Variants in STAM2 observed in about 807,000 individuals in gnomAD.
STAM2 encodes signal transducing adaptor molecule 2.
A neutral mutation model predicts 65.6 loss-of-function variants in STAM2; 51 were observed. The observed-to-expected ratio is 0.78, with a 90% CI of 0.62 to 0.98. STAM2 has a LOEUF of 0.98. STAM2 is among the 50% of genes least tolerant of loss of function. The pLI is 0.00. For missense variants in STAM2, 584 were observed against 617.8 expected (o/e 0.95, Z 0.58); for synonymous variants, 198 against 208.4 (o/e 0.95, Z 0.43).
rs371472515 is a variant in STAM2 at position 152,165,924 on chromosome 2, C to T, written c.40+9679G>A. ...TGCACATTAAAACTACAATGAAGGC[C>T]GGGCACAGTGGCTTATGCCTGTAAC... is the stretch of plus-strand genomic sequence containing the variant. On this transcript the variant is annotated intron_variant, in intron 1 of 13. Coordinates refer to ENST00000263904, the MANE Select transcript of STAM2 (RefSeq NM_005843.6). Among the ~76,000 whole-genome samples, 174 of 152,274 alleles carry T rather than the reference C, an allele frequency of 1.1e-3. 1 individual carries two copies. In the South Asian group the frequency reaches 0.015, roughly 13 times the overall value.
intron 6 of STAM2, 79 bp from the exon 7 acceptor site, chr2:152,144,092 A>G (rs1183413434): frequency 6.8e-6 from 9 of 1,322,166 alleles, no homozygotes; most frequent in South Asian, 1.4e-5. Flanking sequence ...GTAAAATTTA[A>G]TAAGAATAAA....
chr2:152,154,590 C>A (rs1226692073), intron 1 of STAM2, among the ~76,000 whole-genome samples: 1 of 151,974 alleles, frequency 6.6e-6, no homozygotes, highest in African/African-American at 2.4e-5. Flanking sequence ...TGCACTCCAA[C>A]GTGGACAACA....
intron 1 of STAM2, among the ~76,000 whole-genome samples, chr2:152,157,200 C>A (rs1467533333): frequency 2.6e-5 from 4 of 152,098 alleles, no homozygotes; most frequent in Admixed American, 2.6e-4. Flanking sequence ...AGGCCCTTGG[C>A]CAAAGGCTGG....
At chr2:152,140,495 T>C (rs1310339431) in intron 7 of STAM2, among the ~76,000 whole-genome samples, 5 of 152,240 alleles carry the variant, frequency 3.3e-5, no homozygotes, top group African/African-American at 9.6e-5. Context: ...CTGAAGGTAG[T>C]GATGTCCTTT....
At position 152,117,246 on chromosome 2, in the gene STAM2, C is replaced by T. The variant is rs1417577186; in HGVS notation, c.*3328G>A. 2 of 152,116 alleles carry T rather than the reference C, an allele frequency of 1.3e-5. No homozygotes were observed. Among genetic ancestry groups the T allele is most frequent in the African/African-American group, 4.8e-5 (2 of 41,402 alleles). 9.4% of individuals were successfully genotyped at this position (152,116 alleles called of 1,614,324 possible). A position where few individuals can be genotyped will look rare whatever the true frequency, so the allele number is the denominator to read the frequency against. The stretch of plus-strand genomic sequence containing the variant: ...GCCGGAGTGCAGTGGCGTGATCACA[C>T]CTCACTGCAGCCTCAAGCAATACTC... On this transcript the variant is annotated 3_prime_UTR_variant, in exon 14 of 14. Transcript: ENST00000263904.
intron 7 of STAM2, among the ~76,000 whole-genome samples, chr2:152,136,117 A>G (rs1689149308): frequency 6.6e-6 from 1 of 151,364 alleles, no homozygotes; most frequent in Non-Finnish European, 1.5e-5. Context: ...AATTAGAACC[A>G]ATTAGCAATT....
At chr2:152,144,199 T>C (rs1579321306) in intron 6 of STAM2, among the ~76,000 whole-genome samples, 186 bp from the exon 7 acceptor site, 1 of 152,314 alleles carries the variant, frequency 6.6e-6, no homozygotes, top group East Asian at 1.9e-4. Context: ...AAGTTTTTGC[T>C]CATTCTTTAT....
At chr2:152,167,042 C>A (rs865821534) in intron 1 of STAM2, among the ~76,000 whole-genome samples, 28 of 152,156 alleles carry the variant, frequency 1.8e-4, no homozygotes, top group African/African-American at 6.5e-4. Flanking sequence ...AAAAATTACA[C>A]TAAATATGAG....
intron 13 of STAM2, among the ~76,000 whole-genome samples, chr2:152,122,508 C>T (rs914661496): frequency 6.6e-6 from 1 of 152,252 alleles, no homozygotes; most frequent in East Asian, 1.9e-4. Context: ...TTCAAAACTA[C>T]ACCAGTTTTT....
chr2:152,134,737 GAGATTGAAATGCAA>G (rs1471352064), intron 8 of STAM2, among the ~76,000 whole-genome samples: 5 of 152,266 alleles, frequency 3.3e-5, no homozygotes, highest in African/African-American at 1.2e-4. Flanking sequence ...ACAGAACCGT[GAGATTGAAATGCAA>G]TAGTACAGAT....
In STAM2 at chr2:152,135,498, A is replaced by G. The variant is rs770151641; in HGVS notation, c.799+11T>C. ...TTAAATAGATCTAATGTCGTCTAAG[A>G]TTTAACTTACCTGCCTCAGTCTCTA... On this transcript the variant is annotated intron_variant, in intron 8 of 13. Transcript: ENST00000263904. The G allele has an allele frequency of 6.3e-7, 1 of 1,584,612 alleles. No homozygotes were observed. Among genetic ancestry groups the G allele is most frequent in the Non-Finnish European group, 8.6e-7 (1 of 1,157,588 alleles).
At chr2:152,168,829 C>T (rs113633904) in intron 1 of STAM2, among the ~76,000 whole-genome samples, 2,902 of 152,244 alleles carry the variant, frequency 0.019, 106 homozygotes, top group African/African-American at 0.064. Context: ...AAAAAACAGA[C>T]AATTCAATCC....
At chr2:152,152,324 C>A (rs755161042) in intron 1 of STAM2, among the ~76,000 whole-genome samples, 1 of 151,976 alleles carries the variant, frequency 6.6e-6, no homozygotes, top group Non-Finnish European at 1.5e-5. Context: ...CCGAGGTGGG[C>A]AGATCACGAG....
At chr2:152,166,283 G>A (rs1689784266) in intron 1 of STAM2, among the ~76,000 whole-genome samples, 1 of 152,072 alleles carries the variant, frequency 6.6e-6, no homozygotes, top group Admixed American at 6.6e-5. Context: ...TAAAACTGGA[G>A]TAATATGACA....
At chr2:152,121,837 G>A (rs1688858439) in intron 13 of STAM2, among the ~76,000 whole-genome samples, 1 of 152,012 alleles carries the variant, frequency 6.6e-6, no homozygotes, top group African/African-American at 2.4e-5. Flanking sequence ...GAGGTCAGGA[G>A]ATCGAGACCA....
Position 152,121,734 on chromosome 2 carries a change from T to C in STAM2, c.1350-932A>G, listed in dbSNP as rs553426358. ...GTTTGTTCCTATAACTACTGTGGCA[T>C]ACATTTCTCTTAAAATATATATACT... On this transcript the variant is annotated intron_variant, in intron 13 of 13. Transcript: ENST00000263904. Among the ~76,000 whole-genome samples, 16 of 152,298 alleles carry C rather than the reference T, an allele frequency of 1.1e-4. No homozygotes were observed. In the South Asian group the frequency reaches 2.9e-3, roughly 28 times the overall value.
chr2:152,147,030 A>T (rs1689348859), intron 5 of STAM2, 132 bp downstream of exon 5: 1 of 777,126 alleles, frequency 1.3e-6, no homozygotes, highest in African/African-American at 1.8e-5. Flanking sequence ...TAAGGAAGGC[A>T]CTATGCTAGA....
chr2:152,135,027 G>A (rs528928607), intron 8 of STAM2, among the ~76,000 whole-genome samples: 65 of 152,260 alleles, frequency 4.3e-4, no homozygotes, highest in African/African-American at 1.4e-3. Flanking sequence ...TGTTGTTATT[G>A]TTTCAAGCTC....
chr2:152,129,590 C>T (rs1188455553), intron 11 of STAM2, among the ~76,000 whole-genome samples: 1 of 152,138 alleles, frequency 6.6e-6, no homozygotes, highest in East Asian at 1.9e-4. Context: ...TTATCAAGGA[C>T]AATGATTTCC....
Sources: gnomAD v4.1 joint callset for allele counts (sites outside exome capture counted in the v4.1 genomes callset) on GRCh38, gnomAD v4.1.1 for gene constraint, MANE v1.5 for transcripts, NCBI Gene and HGNC (gene_info 2026-07-23, HGNC 2026-07-21) for gene names.